The following ETV6 variants were observed in gnomAD, a reference collection of about 807,000 sequenced individuals.
ETV6 encodes the protein ETS variant transcription factor 6.
A neutral mutation model predicts 51.1 loss-of-function variants in ETV6; 16 were observed. The observed-to-expected ratio is 0.31, with a 90% CI of 0.21 to 0.48. The LOEUF (loss-of-function observed/expected upper bound fraction) is 0.48. Among genes scored for constraint, ETV6 ranks in the 20% least tolerant of loss-of-function variants. The pLI is 0.99. For synonymous variants in ETV6, 240 were observed against 224.1 expected, an observed-to-expected ratio of 1.07 and a Z score of -0.64; for missense variants, 458 against 594.8, an observed-to-expected ratio of 0.77 and a Z score of 2.39.
chr12:11,893,797 TATATATA>T lies in ETV6; in HGVS notation c.*2752_*2758del, dbSNP rs1947338790. ...TCCATCCCCAAGATCTCTCATTTTA[TATATATA>T]TATATATATATATATATATATATAT... On this transcript the variant is annotated 3_prime_UTR_variant, in exon 8 of 8. Coordinates refer to ENST00000396373, the MANE Select transcript of ETV6 (RefSeq NM_001987.5). 1.6e-4 allele frequency: 1 copy of T among 6,124 alleles called. No individual in the cohort carries two copies. The highest frequency in any genetic ancestry group is 3.9e-4 in the Non-Finnish European group (1 of 2,562). The allele number at this position is 6,124 out of a possible 1,614,324, so 0.4% of individuals were successfully genotyped here. A position where few individuals can be genotyped will look rare whatever the true frequency, so the allele number is the denominator to read the frequency against.
At chr12:11,712,673 A>G (rs1352142716) in intron 1 of ETV6, among the ~76,000 whole-genome samples, 1 of 152,108 alleles carries the variant, frequency 6.6e-6, no homozygotes, top group Non-Finnish European at 1.5e-5. Flanking sequence ...TTTTTCTCTT[A>G]AGGCCTTCAA....
chr12:11,657,554 C>T (rs1219738236), intron 1 of ETV6, among the ~76,000 whole-genome samples: 1 of 152,190 alleles, frequency 6.6e-6, no homozygotes, highest in African/African-American at 2.4e-5. Flanking sequence ...GCTTCAGTTA[C>T]GTGGATGAAT....
chr12:11,881,700 G>A (rs1374747166), intron 5 of ETV6, among the ~76,000 whole-genome samples: 2 of 152,188 alleles, frequency 1.3e-5, no homozygotes, highest in Admixed American at 6.5e-5. Flanking sequence ...ATGAATTTGG[G>A]GAGGACATGA....
chr12:11,669,525 G>A (rs1204773676), intron 1 of ETV6, among the ~76,000 whole-genome samples: 2 of 151,624 alleles, frequency 1.3e-5, no homozygotes, highest in South Asian at 4.2e-4. Flanking sequence ...AATTACCAGC[G>A]ATTCCCAGGC....
In ETV6 at chr12:11,891,778, C is replaced by T. The variant is rs1947291549; in HGVS notation, c.*732C>T. 5.6e-6 allele frequency: 2 copies of T among 359,642 alleles called. No individual in the cohort carries two copies. Among genetic ancestry groups the T allele is most frequent in the Admixed American group, 7.7e-5 (2 of 26,022 alleles). The allele number at this position is 359,642 out of a possible 1,614,324, so 22.3% of individuals were successfully genotyped here. A position where few individuals can be genotyped will look rare whatever the true frequency, so the allele number is the denominator to read the frequency against. On this transcript the variant is annotated 3_prime_UTR_variant, in exon 8 of 8. Coordinates refer to ENST00000396373, the MANE Select transcript of ETV6 (RefSeq NM_001987.5). ...GTCTTGGGGATTGTTGGCACCTAAACAGAATCAGTGACCCGGGTGCTTTGT... is the reference window on the plus strand; with the variant it reads ...GTCTTGGGGATTGTTGGCACCTAAATAGAATCAGTGACCCGGGTGCTTTGT...
chr12:11,861,758 G>T (rs78030563), intron 4 of ETV6, among the ~76,000 whole-genome samples: 4 of 152,234 alleles, frequency 2.6e-5, no homozygotes, highest in African/African-American at 9.6e-5. Context: ...CTCAGTTAAG[G>T]GGTCATCTTG....
chr12:11,894,394 T>A lies in ETV6; in HGVS notation c.*3348T>A, dbSNP rs554925066. 1 of 231,020 alleles carries A rather than the reference T, an allele frequency of 4.3e-6. No individual in the cohort carries two copies. Among genetic ancestry groups the A allele is most frequent in the East Asian group, 6.1e-5 (1 of 16,372 alleles). The allele number at this position is 231,020 out of a possible 1,614,324, so 14.3% of individuals were successfully genotyped here. On this transcript the variant is annotated 3_prime_UTR_variant, in exon 8 of 8. Coordinates refer to ENST00000396373, the MANE Select transcript of ETV6 (RefSeq NM_001987.5). ...AGCACTGGTAATTGGCTAGACTGGC[T>A]ATGTTGAAGGTAACATGAACTCTAA...
intron 1 of ETV6, among the ~76,000 whole-genome samples, chr12:11,690,145 G>T (rs550247524): frequency 6.6e-6 from 1 of 151,766 alleles, no homozygotes; most frequent in African/African-American, 2.4e-5. Context: ...GAAAGAGGTG[G>T]CTCGCAGACT....
chr12:11,687,273 C>A (rs567677320), intron 1 of ETV6, among the ~76,000 whole-genome samples: 1 of 150,558 alleles, frequency 6.6e-6, no homozygotes, highest in Non-Finnish European at 1.5e-5. Flanking sequence ...CGCCCCCCAC[C>A]AGGTTCAAAC....
intron 4 of ETV6, among the ~76,000 whole-genome samples, chr12:11,864,699 G>T (rs530669052): frequency 3.9e-5 from 6 of 152,158 alleles, no homozygotes; most frequent in Admixed American, 1.3e-4. Flanking sequence ...TTAAAGTGAG[G>T]AAGTTAGTGC....
At position 11,784,862 on chromosome 12, in the gene ETV6, A is replaced by ATTTTTTTTTTTTT. The variant is rs34004409; in HGVS notation, c.163+32295_163+32307dup. On this transcript the variant is annotated intron_variant, in intron 2 of 7. Transcript: ENST00000396373. ...CAAGTGTGCACCCCGTGCCTTGCTA[A>ATTTTTTTTTTTTT]TTTTTTTTTTTTTTTTTTTTTTTTG... 1.8e-3 allele frequency among the ~76,000 whole-genome samples: 156 copies of ATTTTTTTTTTTTT among 85,742 alleles called. 7 individuals are homozygous for ATTTTTTTTTTTTT. The highest frequency in any genetic ancestry group is 7.0e-3 in the African/African-American group (148 of 20,996). 56.3% of individuals were successfully genotyped at this position (85,742 alleles called of 152,430 possible). A position where few individuals can be genotyped will look rare whatever the true frequency, so the allele number is the denominator to read the frequency against.
chr12:11,699,081 T>G (rs1864929547), intron 1 of ETV6, among the ~76,000 whole-genome samples: 1 of 152,264 alleles, frequency 6.6e-6, no homozygotes. Flanking sequence ...TGTTAAATAC[T>G]TAAGTTCCTG....
intron 1 of ETV6, among the ~76,000 whole-genome samples, chr12:11,663,191 T>C (rs2541129): frequency 0.97 from 147,350 of 152,352 alleles, 71,351 homozygotes; most frequent in Non-Finnish European, 0.99. Flanking sequence ...TTTCTGCATA[T>C]TCCAACACCT....
chr12:11,687,251 C>T (rs1364386722), intron 1 of ETV6, among the ~76,000 whole-genome samples: 4 of 139,198 alleles, frequency 2.9e-5, no homozygotes. Flanking sequence ...ACCTCCGGCT[C>T]CCCGCTCCCC....
At position 11,836,843 on chromosome 12, in the gene ETV6, G is replaced by A. The variant is rs186626552; in HGVS notation, c.164-2297G>A. On this transcript the variant is annotated intron_variant, in intron 2 of 7. Transcript: ENST00000396373. ...CCACCCTGTACTTTTTCCTGTTTCTGCCTGAGCATCTTCTGCTCACTGGAC... is the reference window on the plus strand; with the variant it reads ...CCACCCTGTACTTTTTCCTGTTTCTACCTGAGCATCTTCTGCTCACTGGAC... Among the ~76,000 whole-genome samples the A allele has an allele frequency of 2.0e-5, 3 of 152,232 alleles. No homozygotes were observed. The East Asian group carries it at 5.8e-4, about 29-fold the overall frequency.
chr12:11,740,740 G>A (rs1865792393), intron 1 of ETV6, among the ~76,000 whole-genome samples: 1 of 152,146 alleles, frequency 6.6e-6, no homozygotes, highest in Non-Finnish European at 1.5e-5. Flanking sequence ...AATACGCCGG[G>A]TTCTTGAGTA....
chr12:11,795,426 G>A (rs920184049), intron 2 of ETV6, among the ~76,000 whole-genome samples: 17 of 152,250 alleles, frequency 1.1e-4, no homozygotes, highest in African/African-American at 3.9e-4. Flanking sequence ...TGGCCTTGGG[G>A]ACGATGCATG....
At position 11,883,276 on chromosome 12, in the gene ETV6, C is replaced by CTTCTTCTTTT. The variant is rs776231778; in HGVS notation, c.1010-1167_1010-1166insCTTCTTTTTT. On this transcript the variant is annotated intron_variant, in intron 5 of 7. Coordinates refer to ENST00000396373, the MANE Select transcript of ETV6 (RefSeq NM_001987.5). ...GGGAAGGTGTACATCATGTCTTCTT[C>CTTCTTCTTTT]TTTTTTTTTTTTTTTTTTTTTTTTT... Among the ~76,000 whole-genome samples the CTTCTTCTTTT allele has an allele frequency of 3.2e-3, 249 of 79,026 alleles. 12 individuals carry two copies. The highest frequency in any genetic ancestry group is 4.0e-3 in the Non-Finnish European group (186 of 46,038). The allele number at this position is 79,026 out of a possible 152,430, so 51.8% of individuals were successfully genotyped here.
intron 1 of ETV6, among the ~76,000 whole-genome samples, chr12:11,736,209 CA>C (rs1865700271): frequency 1.3e-5 from 2 of 152,160 alleles, no homozygotes; most frequent in South Asian, 4.1e-4. Context: ...AAATCTTTTA[CA>C]AAGGTCTTCA....
Sources: gnomAD v4.1 joint callset for allele counts (sites outside exome capture counted in the v4.1 genomes callset) on GRCh38, gnomAD v4.1.1 for gene constraint, MANE v1.5 for transcripts, NCBI Gene and HGNC (gene_info 2026-07-23, HGNC 2026-07-21) for gene names.